FILIP1L: variants seen among roughly 807,000 people sequenced by gnomAD.
FILIP1L encodes filamin A-interacting protein 1-like.
A neutral mutation model predicts 96.6 loss-of-function variants in FILIP1L; 55 were observed. The observed-to-expected ratio is 0.57, with a 90% CI of 0.46 to 0.71. The LOEUF (loss-of-function observed/expected upper bound fraction) is 0.71. Among genes scored for constraint, FILIP1L ranks in the 30% least tolerant of loss-of-function variants. The probability of loss-of-function intolerance (pLI) is 0.00; values close to 1 mark genes in which losing one functional copy is unlikely to be tolerated. For synonymous variants in FILIP1L, 467 were observed against 473.9 expected (o/e 0.99, Z 0.19); for missense variants, 1,304 against 1,321.2 (o/e 0.99, Z 0.20).
intron 1 of FILIP1L, among the ~76,000 whole-genome samples, chr3:100,013,129 GGCCTCCCAAA>G (rs1018502423): frequency 2.0e-5 from 3 of 151,950 alleles, no homozygotes; most frequent in African/African-American, 7.3e-5. Context: ...CACCCACCTT[GGCCTCCCAAA>G]GTGCTGGGAT....
intron 1 of FILIP1L, among the ~76,000 whole-genome samples, chr3:100,087,093 C>G (rs571752873): frequency 6.6e-5 from 10 of 152,264 alleles, no homozygotes; most frequent in Non-Finnish European, 1.3e-4. Context: ...TTTGCTAATC[C>G]AATTACGAGT....
At chr3:100,063,895 T>C (rs1337787130) in intron 1 of FILIP1L, among the ~76,000 whole-genome samples, 2 of 152,206 alleles carry the variant, frequency 1.3e-5, no homozygotes, top group Admixed American at 6.5e-5. Context: ...AAAAACCTAA[T>C]CAAATGTTAA....
chr3:100,109,279 G>A (rs888472386), intron 1 of FILIP1L, among the ~76,000 whole-genome samples: 5 of 151,986 alleles, frequency 3.3e-5, no homozygotes, highest in African/African-American at 7.3e-5. Context: ...AGCAGGATAC[G>A]CTGGTTGAAG....
chr3:100,089,282 TTA>T (rs2066064284), intron 1 of FILIP1L, among the ~76,000 whole-genome samples: 1 of 152,194 alleles, frequency 6.6e-6, no homozygotes. Context: ...AGGAAGTATT[TTA>T]TTATTTAGAG....
At chr3:100,002,897 A>G (rs1043763145) in intron 1 of FILIP1L, among the ~76,000 whole-genome samples, 5 of 152,166 alleles carry the variant, frequency 3.3e-5, no homozygotes, top group African/African-American at 4.8e-5. Flanking sequence ...TCTGATGAGT[A>G]TGTGTATGTT....
intron 1 of FILIP1L, among the ~76,000 whole-genome samples, chr3:99,962,788 A>T (rs1225491611): frequency 3.3e-5 from 5 of 152,186 alleles, no homozygotes; most frequent in Non-Finnish European, 7.3e-5. Context: ...GAGAGCTAGG[A>T]TTTGGCTGCA....
At chr3:100,086,970 G>A (rs1311207465) in intron 1 of FILIP1L, among the ~76,000 whole-genome samples, 1 of 152,044 alleles carries the variant, frequency 6.6e-6, no homozygotes, top group Non-Finnish European at 1.5e-5. Flanking sequence ...TTTTGAATCT[G>A]GTTTCTTTTA....
intron 1 of FILIP1L, among the ~76,000 whole-genome samples, chr3:100,023,984 A>G (rs927273165): frequency 2.0e-5 from 3 of 152,190 alleles, no homozygotes; most frequent in Non-Finnish European, 4.4e-5. Flanking sequence ...CCAACCTATG[A>G]TTCTCAGTAG....
At chr3:99,909,358 T>G (rs1041718139) in intron 4 of FILIP1L, among the ~76,000 whole-genome samples, 6 of 152,214 alleles carry the variant, frequency 3.9e-5, no homozygotes, top group Admixed American at 3.9e-4. Flanking sequence ...CTTGTGTATG[T>G]TTCATATATA....
chr3:99,975,723 A>G (rs1708950175), intron 1 of FILIP1L, among the ~76,000 whole-genome samples: 1 of 152,230 alleles, frequency 6.6e-6, no homozygotes, highest in South Asian at 2.1e-4. Context: ...CATCTCAGCA[A>G]AGTCCTGAGT....
At chr3:100,021,960 T>TGTGTGTGTGTGA (rs1321185364) in intron 1 of FILIP1L, among the ~76,000 whole-genome samples, 3 of 93,288 alleles carry the variant, frequency 3.2e-5, no homozygotes, top group African/African-American at 1.2e-4. Flanking sequence ...TGTGTGTGTG[T>TGTGTGTGTGTGA]GAGAGAGAGA....
rs1435551928 is a variant in FILIP1L at position 99,887,206 on chromosome 3, G to A, written c.606-36136C>T. Among the ~76,000 whole-genome samples the A allele has an allele frequency of 4.6e-5, 7 of 151,966 alleles. No individual in the cohort carries two copies. In the East Asian group the frequency reaches 1.2e-3, roughly 25 times the overall value. On this transcript the variant is annotated intron_variant, in intron 4 of 5. Coordinates refer to ENST00000477258, the MANE Select transcript of FILIP1L (RefSeq NM_001387850.1). ...CACTTGAACCCAGGAGGAGGAGGTCGCGGTTAGCCGAGATTGAGCCATTGC... is the reference window on the plus strand; with the variant it reads ...CACTTGAACCCAGGAGGAGGAGGTCACGGTTAGCCGAGATTGAGCCATTGC...
Position 99,850,371 on chromosome 3 carries a change from G to T in FILIP1L, c.1305C>A (p.Asn435Lys), listed in dbSNP as rs1444056390. The T allele has an allele frequency of 6.2e-7, 1 of 1,612,628 alleles. No individual in the cohort carries two copies. Among genetic ancestry groups the T allele is most frequent in the East Asian group, 2.2e-5 (1 of 44,860 alleles). ...MALEKLEDAF[N>K]KSKQECYSLK... ...GAGAGTAGCATTCTTGTTTGCTTTT[G>T]TTGAAAGCGTCTTCTAACTTTTCCA... Residue 435 changes from asparagine (N) to lysine (K), a missense_variant, in exon 5 of 6, where the codon AAC becomes AAA. Transcript: ENST00000477258.
intron 1 of FILIP1L, among the ~76,000 whole-genome samples, chr3:100,039,457 T>C (rs2065164395): frequency 6.6e-6 from 1 of 152,196 alleles, no homozygotes; most frequent in African/African-American, 2.4e-5. Flanking sequence ...AATACCAACT[T>C]GGTTTAATAC....
intron 4 of FILIP1L, among the ~76,000 whole-genome samples, chr3:99,852,687 A>C (rs796605251): frequency 1.2e-4 from 19 of 152,098 alleles, no homozygotes; most frequent in African/African-American, 3.4e-4. Flanking sequence ...CTTGTGATCC[A>C]CCTGCCTCGG....
intron 1 of FILIP1L, among the ~76,000 whole-genome samples, chr3:100,017,491 C>G (rs1240422770): frequency 6.6e-6 from 1 of 152,230 alleles, no homozygotes; most frequent in Non-Finnish European, 1.5e-5. Flanking sequence ...TACCTGGCAC[C>G]TACCAAATGA....
intron 4 of FILIP1L, among the ~76,000 whole-genome samples, chr3:99,917,459 G>T (rs1706989233): frequency 6.6e-6 from 1 of 152,244 alleles, no homozygotes; most frequent in Admixed American, 6.5e-5. Flanking sequence ...CAGGAGAGCT[G>T]GCTTCTACTC....
rs1378985371 is a variant in FILIP1L at position 100,109,913 on chromosome 3, C to G, written c.-11+4140G>C. 14 of 123,174 alleles carry G rather than the reference C, an allele frequency of 1.1e-4. No homozygotes were observed. The East Asian group carries it at 1.5e-3, about 13-fold the overall frequency. 7.6% of individuals were successfully genotyped at this position (123,174 alleles called of 1,614,324 possible). A position where few individuals can be genotyped will look rare whatever the true frequency, so the allele number is the denominator to read the frequency against. On this transcript the variant is annotated intron_variant, in intron 1 of 5. Coordinates refer to ENST00000477258, the MANE Select transcript of FILIP1L (RefSeq NM_001387850.1). ...AATGTTTCTTTTATGACCCCCCCCC[C>G]CCAGCACCACCCCCCAGCCAAAGAA...
intron 4 of FILIP1L, among the ~76,000 whole-genome samples, chr3:99,919,325 C>CTTT (rs1707051771): frequency 1.3e-5 from 2 of 151,142 alleles, no homozygotes; most frequent in East Asian, 3.9e-4. Context: ...AGTATCAGGT[C>CTTT]TTAAAGCCTG....
Sources: allele counts gnomAD v4.1 joint callset (sites outside exome capture counted in the v4.1 genomes callset), GRCh38; gene constraint gnomAD v4.1.1; transcripts MANE v1.5; gene names NCBI Gene and HGNC (gene_info 2026-07-23, HGNC 2026-07-21).